DCC: variants seen among roughly 807,000 people sequenced by gnomAD.
The protein encoded by DCC is netrin receptor DCC.
A neutral mutation model predicts 172.5 loss-of-function variants in DCC; 58 were observed. The ratio of observed to expected loss-of-function variants is 0.34; its 90% confidence interval spans 0.27 to 0.42. DCC has a LOEUF of 0.42. DCC is among the 10% of genes least tolerant of loss of function. The pLI is 1.00. For missense variants in DCC, 1,740 were observed against 1,791.0 expected, an observed-to-expected ratio of 0.97 and a Z score of 0.51; for synonymous variants, 709 against 644.5, an observed-to-expected ratio of 1.10 and a Z score of -1.52.
At chr18:52,698,213 T>G (rs1270008320) in intron 1 of DCC, among the ~76,000 whole-genome samples, 1 of 152,206 alleles carries the variant, frequency 6.6e-6, no homozygotes, top group Non-Finnish European at 1.5e-5. Flanking sequence ...CATCAAGCCA[T>G]GGATGACTTT....
At chr18:52,452,548 A>T (rs1171378219) in intron 1 of DCC, among the ~76,000 whole-genome samples, 1 of 152,198 alleles carries the variant, frequency 6.6e-6, no homozygotes, top group East Asian at 1.9e-4. Flanking sequence ...ACAGGGGAAG[A>T]TGCTTTTACA....
chr18:52,838,327 T>G (rs559155170), intron 2 of DCC, among the ~76,000 whole-genome samples: 1 of 152,334 alleles, frequency 6.6e-6, no homozygotes, highest in Non-Finnish European at 1.5e-5. Context: ...CTCTATTTTC[T>G]TGTCTTAGAA....
chr18:52,437,717 T>C (rs191208918), intron 1 of DCC, among the ~76,000 whole-genome samples: 22 of 152,310 alleles, frequency 1.4e-4, no homozygotes, highest in Admixed American at 1.4e-3. Flanking sequence ...ATTTACATGG[T>C]TTTTTATGCT....
At chr18:52,381,370 A>G (rs1173373468) in intron 1 of DCC, among the ~76,000 whole-genome samples, 1 of 152,148 alleles carries the variant, frequency 6.6e-6, no homozygotes, top group Non-Finnish European at 1.5e-5. Context: ...ATGCTGAAAG[A>G]AAACCTTATC....
intron 15 of DCC, among the ~76,000 whole-genome samples, chr18:53,368,359 C>A (rs2144950158): frequency 6.6e-6 from 1 of 152,192 alleles, no homozygotes; most frequent in African/African-American, 2.4e-5. Flanking sequence ...ATATAACTTA[C>A]AAACCCTTTA....
At chr18:52,851,015 A>T (rs1355116596) in intron 2 of DCC, among the ~76,000 whole-genome samples, 1 of 151,628 alleles carries the variant, frequency 6.6e-6, no homozygotes, top group Non-Finnish European at 1.5e-5. Context: ...GAACAATTAA[A>T]CGGTATTTGT....
In DCC at chr18:53,334,620, C is replaced by G. The variant is rs139775590; in HGVS notation, c.2165-5093C>G. Reference sequence around the variant, plus strand: ...CCCAGCCTCTGGCAACCACCATTCTCTTTTCTGTCTCCATGAATTTAACTT... The same window carrying G: ...CCCAGCCTCTGGCAACCACCATTCTGTTTTCTGTCTCCATGAATTTAACTT... On this transcript the variant is annotated intron_variant, in intron 14 of 28. Coordinates refer to ENST00000442544, the MANE Select transcript of DCC (RefSeq NM_005215.4). Among the ~76,000 whole-genome samples, 1,321 of 152,270 alleles carry G rather than the reference C, an allele frequency of 8.7e-3. 16 individuals carry two copies. The highest frequency in any genetic ancestry group is 0.013 in the Admixed American group (194 of 15,280).
intron 2 of DCC, among the ~76,000 whole-genome samples, chr18:52,798,180 A>T (rs1461040871): frequency 6.6e-6 from 1 of 151,748 alleles, no homozygotes; most frequent in African/African-American, 2.4e-5. Context: ...GCCTCGAACA[A>T]TGTGTATGGC....
chr18:52,613,044 A>T (rs1188419627), intron 1 of DCC, among the ~76,000 whole-genome samples: 12 of 152,136 alleles, frequency 7.9e-5, no homozygotes, highest in Non-Finnish European at 1.5e-4. Flanking sequence ...TCTACTTTGG[A>T]TGTTATAGAC....
chr18:53,247,724 C>A (rs1294232065), intron 12 of DCC, among the ~76,000 whole-genome samples: 3 of 151,986 alleles, frequency 2.0e-5, no homozygotes, highest in Non-Finnish European at 4.4e-5. Context: ...TTAATGCACA[C>A]TCTTGAGTGT....
At chr18:52,932,091 T>C (rs185992732) in intron 5 of DCC, 2 of 152,138 alleles carry the variant, frequency 1.3e-5, no homozygotes, top group African/African-American at 2.4e-5. Context: ...GGAAGGAGGC[T>C]CTTGGAATAT....
chr18:52,976,604 T>C (rs952329624), intron 5 of DCC, among the ~76,000 whole-genome samples: 2 of 152,236 alleles, frequency 1.3e-5, no homozygotes, highest in Admixed American at 1.3e-4. Flanking sequence ...AAAGCTCATT[T>C]ACAAATGTAA....
Position 53,532,724 on chromosome 18 carries a change from G to A in DCC, c.*2071G>A, listed in dbSNP as rs568992295. ...TTCTCCTTAGGCACTTGACACCCAC[G>A]AGGGTAATCCTGAGTGCTCAGTTTG... On this transcript the variant is annotated 3_prime_UTR_variant, in exon 29 of 29. Coordinates refer to ENST00000442544, the MANE Select transcript of DCC (RefSeq NM_005215.4). 2.0e-5 allele frequency: 3 copies of A among 151,582 alleles called. No homozygotes were observed. The highest frequency in any genetic ancestry group is 1.3e-4 in the Admixed American group (2 of 15,254). The allele number at this position is 151,582 out of a possible 1,614,324, so 9.4% of individuals were successfully genotyped here. A position where few individuals can be genotyped will look rare whatever the true frequency, so the allele number is the denominator to read the frequency against.
chr18:53,255,166 G>A lies in DCC; in HGVS notation c.1911+39569G>A, dbSNP rs1051711792. On this transcript the variant is annotated intron_variant, in intron 12 of 28. Transcript: ENST00000442544. ...TTCCTATCAGAATCCCAGGCCTTTCGGGCCCTTCTGTCCACTTGTCTTGGA... is the reference window on the plus strand; with the variant it reads ...TTCCTATCAGAATCCCAGGCCTTTCAGGCCCTTCTGTCCACTTGTCTTGGA... Among the ~76,000 whole-genome samples the A allele has an allele frequency of 2.0e-5, 3 of 151,790 alleles. No homozygotes were observed. In the East Asian group the frequency reaches 5.8e-4, roughly 30 times the overall value.
intron 25 of DCC, among the ~76,000 whole-genome samples, chr18:53,482,123 A>C (rs932515370): frequency 3.3e-5 from 5 of 152,042 alleles, no homozygotes; most frequent in African/African-American, 1.2e-4. Flanking sequence ...AAGGGGAAAA[A>C]TACCAAAAGA....
chr18:53,426,691 ATTCAC>A (rs1910990698), intron 21 of DCC, among the ~76,000 whole-genome samples: 1 of 151,812 alleles, frequency 6.6e-6, no homozygotes, highest in African/African-American at 2.4e-5. Context: ...GGTTGTAAGT[ATTCAC>A]TTAACATTTT....
At chr18:52,387,961 A>G (rs373466227) in intron 1 of DCC, among the ~76,000 whole-genome samples, 17 of 152,088 alleles carry the variant, frequency 1.1e-4, no homozygotes, top group African/African-American at 4.1e-4. Context: ...CCCAGAGTTG[A>G]CCCTTGACAA....
chr18:52,874,193 T>C (rs988106099), intron 2 of DCC, among the ~76,000 whole-genome samples: 1 of 152,224 alleles, frequency 6.6e-6, no homozygotes, highest in African/African-American at 2.4e-5. Context: ...AATACACTCC[T>C]GTAAAGCAGT....
At chr18:53,044,723 C>T (rs2042213414) in intron 5 of DCC, among the ~76,000 whole-genome samples, 1 of 151,818 alleles carries the variant, frequency 6.6e-6, no homozygotes, top group Non-Finnish European at 1.5e-5. Context: ...TTAAGTAACT[C>T]ATAACTTGAC....
Sources: gnomAD v4.1 joint callset for allele counts (sites outside exome capture counted in the v4.1 genomes callset) on GRCh38, gnomAD v4.1.1 for gene constraint, MANE v1.5 for transcripts, NCBI Gene and HGNC (gene_info 2026-07-23, HGNC 2026-07-21) for gene names.